Variants in TMEM234 observed in about 807,000 individuals in gnomAD.
The protein encoded by TMEM234 is chromosome 1 open reading frame 91.
In TMEM234, 21 loss-of-function variants were observed where a neutral mutation model predicts 17.8. The ratio of observed to expected loss-of-function variants is 1.18; its 90% confidence interval spans 0.84 to 1.70. The LOEUF is 1.70. Among genes scored for constraint, TMEM234 ranks in the 40% most tolerant of loss-of-function variants. The pLI, the probability that TMEM234 is intolerant of heterozygous loss-of-function variation, is 0.00. For missense variants in TMEM234, 137 were observed against 166.9 expected (o/e 0.82, Z 0.99); for synonymous variants, 83 against 73.5 (o/e 1.13, Z -0.66).
downstream of TMEM234, chr1:32,215,256 T>C: frequency 1.7e-6 from 1 of 592,320 alleles, no homozygotes; most frequent in South Asian, 2.3e-5. Context: ...ACTTCAGGGG[T>C]GGGATATAGA....
In TMEM234 at chr1:32,216,405, C is replaced by A; in HGVS notation, c.*448G>T. ...GCACCTTCTTCCCTCGGTTCCACCC[C>A]TCATTCAGCCAAAGCGCTCTGACTG... is the stretch of plus-strand genomic sequence containing the variant. On this transcript the variant is annotated 3_prime_UTR_variant, in exon 5 of 5. Transcript: ENST00000309777. 6.4e-7 allele frequency: 1 copy of A among 1,551,608 alleles called. No individual in the cohort carries two copies.
intron 3 of TMEM234, among the ~76,000 whole-genome samples, chr1:32,218,361 G>A (rs1211078804): frequency 6.6e-6 from 1 of 152,062 alleles, no homozygotes; most frequent in Non-Finnish European, 1.5e-5. Context: ...AGGAGGCAGA[G>A]GTTGCACTGA....
Position 32,217,346 on chromosome 1 carries a change from T to C in TMEM234, c.241A>G (p.Thr81Ala), listed in dbSNP as rs79700000. ...GAGTTACAGATGGGCACAGCCAGGG[T>C]CAGATCTGGGTGGTCAGAATGAAAA... Reference protein sequence around the residue: ...YYLTLASTDLTLAVPICNSLA... With the variant: ...YYLTLASTDLALAVPICNSLA... The change falls in exon 4 of 5, where the codon ACC becomes GCC. Residue 81 changes from threonine (T) to alanine (A), a missense_variant. Physicochemically the swap from Thr to Ala is moderately conservative, Grantham distance 58 (BLOSUM62 0). Coordinates refer to ENST00000309777, the MANE Select transcript of TMEM234 (RefSeq NM_019118.5). The C allele has an allele frequency of 0.014, 22,204 of 1,609,108 alleles. 210 individuals are homozygous for C. Among genetic ancestry groups the C allele is most frequent in the Non-Finnish European group, 0.016 (18,796 of 1,176,112 alleles).
At position 32,217,180 on chromosome 1, in the gene TMEM234, A is replaced by G. The variant is rs534170324; in HGVS notation, c.328+79T>C. 7.9e-4 allele frequency: 1,281 copies of G among 1,612,976 alleles called. 1 individual carries two copies. Among genetic ancestry groups the G allele is most frequent in the Non-Finnish European group, 1.0e-3 (1,218 of 1,179,402 alleles). On this transcript the variant is annotated intron_variant, in intron 4 of 4. Transcript: ENST00000309777. ...CCGTGTCCTCACCCACTCTGGGGAGATGGGTTCTGGGAAGGAACTAACACA... is the reference window on the plus strand; with the variant it reads ...CCGTGTCCTCACCCACTCTGGGGAGGTGGGTTCTGGGAAGGAACTAACACA...
downstream of TMEM234, chr1:32,215,608 C>A: frequency 6.8e-7 from 1 of 1,473,330 alleles, no homozygotes; most frequent in Non-Finnish European, 9.3e-7. Context: ...AAACTGGCAG[C>A]CTTGGGCCCC....
chr1:32,219,554 A>G (rs1638705587), intron 3 of TMEM234, among the ~76,000 whole-genome samples: 1 of 151,958 alleles, frequency 6.6e-6, no homozygotes, highest in Non-Finnish European at 1.5e-5. Flanking sequence ...CACCAAGCCC[A>G]GTTAATTTTC....
At chr1:32,215,971 T>G, downstream of TMEM234, 1 of 1,274,038 alleles carries the variant, frequency 7.8e-7, no homozygotes, top group Non-Finnish European at 1.1e-6. Context: ...CAGCAGCTTG[T>G]TCCTCAGGAG....
At chr1:32,214,535 T>C (rs1643719036), downstream of TMEM234, 2 of 475,036 alleles carry the variant, frequency 4.2e-6, no homozygotes, top group African/African-American at 2.0e-5. Context: ...CCAGTGAGCA[T>C]GGGGCATGGT....
At chr1:32,217,536 G>A in intron 3 of TMEM234, 185 bp from the exon 4 acceptor site, 1 of 1,376,990 alleles carries the variant, frequency 7.3e-7, no homozygotes, top group Non-Finnish European at 1.0e-6. Context: ...TGCTTCCCAG[G>A]ATTCCAGCAT....
At position 32,222,320 on chromosome 1, in the gene TMEM234, CATGGCAACGCCGCT is replaced by C. The variant is rs754322804; in HGVS notation, c.-12_2del. On this transcript the variant is annotated start_lost and 5_prime_UTR_variant, in exon 1 of 5. Transcript: ENST00000309777. The stretch of plus-strand genomic sequence containing the variant: ...CCGGCTACCTACCCAGAGACGCCGC[CATGGCAACGCCGCT>C]GTCTTCTACTTCCGGGAACGAAGGG... The C allele has an allele frequency of 4.5e-6, 7 of 1,562,124 alleles. No individual in the cohort carries two copies. The highest frequency in any genetic ancestry group is 5.2e-6 in the Non-Finnish European group (6 of 1,152,794).
chr1:32,217,178 AG>A, intron 4 of TMEM234, 80 bp downstream of exon 4: 1 of 1,612,726 alleles, frequency 6.2e-7, no homozygotes, highest in Non-Finnish European at 8.5e-7. Context: ...CACTCTGGGG[AG>A]ATGGGTTCTG....
chr1:32,218,445 C>A (rs1236319588), intron 3 of TMEM234, among the ~76,000 whole-genome samples: 1 of 151,780 alleles, frequency 6.6e-6, no homozygotes, highest in Non-Finnish European at 1.5e-5. Context: ...AAGAAAAAGA[C>A]TAATGGAGTT....
chr1:32,216,062 A>G, downstream of TMEM234: 1 of 723,030 alleles, frequency 1.4e-6, no homozygotes, highest in South Asian at 1.7e-5. Flanking sequence ...CCCACAGCCC[A>G]GCCTTCCCTT....
chr1:32,215,890 C>T (rs763642705), downstream of TMEM234: 2 of 1,551,070 alleles, frequency 1.3e-6, no homozygotes, highest in South Asian at 2.4e-5. Context: ...CCAGCTCTGC[C>T]ATCTTGAGAG....
Position 32,216,767 on chromosome 1 carries a change from A to G in TMEM234, c.*86T>C. On this transcript the variant is annotated 3_prime_UTR_variant, in exon 5 of 5. Transcript: ENST00000309777. ...GAGGAAGCTAAGGCCAGAGAGGGGA[A>G]GTGCTAGGTCCATCCGCTCACTGCC... 1 of 1,557,400 alleles carries G rather than the reference A, an allele frequency of 6.4e-7. No homozygotes were observed. Among genetic ancestry groups the G allele is most frequent in the Admixed American group, 1.9e-5 (1 of 52,770 alleles).
At chr1:32,217,181 T>C in intron 4 of TMEM234, 78 bp downstream of exon 4, 1 of 1,613,084 alleles carries the variant, frequency 6.2e-7, no homozygotes, top group Non-Finnish European at 8.5e-7. Flanking sequence ...TCTGGGGAGA[T>C]GGGTTCTGGG....
intron 2 of TMEM234, 68 bp downstream of exon 2, chr1:32,221,799 G>C (rs1053562482): frequency 1.4e-5 from 22 of 1,597,792 alleles, no homozygotes; most frequent in Non-Finnish European, 1.9e-5. Flanking sequence ...ACCCAGACCT[G>C]TTTGACTCCA....
rs370766022 is a variant in TMEM234 at position 32,216,848 on chromosome 1, C to T, written c.*5G>A. The T allele has an allele frequency of 5.0e-6, 8 of 1,614,042 alleles. No homozygotes were observed. Among genetic ancestry groups the T allele is most frequent in the East Asian group, 2.2e-5 (1 of 44,886 alleles). On this transcript the variant is annotated 3_prime_UTR_variant, in exon 5 of 5. Transcript: ENST00000309777. The stretch of plus-strand genomic sequence containing the variant: ...GCAGCAGAGCTGGAAGTGGGTTCGG[C>T]CCACTCAAAGGGTAGACTGTTGCCC...
rs568916480 is a variant in TMEM234 at position 32,217,077 on chromosome 1, G to A, written c.329-130C>T. The A allele has an allele frequency of 3.2e-6, 5 of 1,566,096 alleles. No homozygotes were observed. In the African/African-American group the frequency reaches 4.1e-5, roughly 13 times the overall value. ...AAACCCCAGCCTCTGTCTTTCTCCAGACTGTCCAGGGGAAGGGAACTCTGA... is the reference window on the plus strand; with the variant it reads ...AAACCCCAGCCTCTGTCTTTCTCCAAACTGTCCAGGGGAAGGGAACTCTGA... On this transcript the variant is annotated intron_variant, in intron 4 of 4. Coordinates refer to ENST00000309777, the MANE Select transcript of TMEM234 (RefSeq NM_019118.5).
Sources: gnomAD v4.1 joint callset for allele counts (sites outside exome capture counted in the v4.1 genomes callset) on GRCh38, gnomAD v4.1.1 for gene constraint, MANE v1.5 for transcripts, NCBI Gene and HGNC (gene_info 2026-07-23, HGNC 2026-07-21) for gene names.